The following DLG2 variants were observed in gnomAD, a reference collection of about 807,000 sequenced individuals.
DLG2 encodes the protein disks large homolog 2.
A neutral mutation model predicts 132.5 loss-of-function variants in DLG2; 45 were observed. The ratio of observed to expected loss-of-function variants is 0.34; its 90% CI spans 0.27 to 0.44. The LOEUF is 0.44. DLG2 is among the 20% of genes least tolerant of loss of function. DLG2 has a pLI of 1.00. For missense variants in DLG2, 1,045 were observed against 1,196.9 expected (o/e 0.87, Z 1.87); for synonymous variants, 424 against 419.6 (o/e 1.01, Z -0.13).
intron 6 of DLG2, among the ~76,000 whole-genome samples, chr11:85,080,401 A>G (rs2067086603): frequency 6.6e-6 from 1 of 152,172 alleles, no homozygotes; most frequent in South Asian, 2.1e-4. Flanking sequence ...ATGACAGGTA[A>G]AGAAAACTCA....
intron 6 of DLG2, among the ~76,000 whole-genome samples, chr11:84,777,281 G>GTGTGTATATA (rs1218190517): frequency 1.1e-5 from 1 of 95,036 alleles, no homozygotes; most frequent in Non-Finnish European, 2.0e-5. Flanking sequence ...ATGTGTGTGT[G>GTGTGTATATA]TATATATATA....
intron 6 of DLG2, among the ~76,000 whole-genome samples, chr11:85,032,864 G>GGTGA (rs2061138235): frequency 6.6e-6 from 1 of 152,144 alleles, no homozygotes; most frequent in African/African-American, 2.4e-5. Flanking sequence ...GAGAGCAATG[G>GGTGA]TAGAGATGCC....
chr11:84,436,771 C>G (rs891900463), intron 7 of DLG2, among the ~76,000 whole-genome samples: 4 of 152,148 alleles, frequency 2.6e-5, no homozygotes, highest in Non-Finnish European at 5.9e-5. Flanking sequence ...ACTGGTCATG[C>G]TGAATACAAG....
intron 6 of DLG2, among the ~76,000 whole-genome samples, chr11:84,861,392 C>T (rs865971073): frequency 4.6e-5 from 7 of 151,800 alleles, no homozygotes; most frequent in African/African-American, 1.5e-4. Context: ...CTGACATTAC[C>T]GACCCTTTCT....
chr11:84,853,386 A>G (rs1241133466), intron 6 of DLG2, among the ~76,000 whole-genome samples: 5 of 152,000 alleles, frequency 3.3e-5, no homozygotes, highest in African/African-American at 4.8e-5. Flanking sequence ...GGACTGCCCA[A>G]TTCTTCCTGA....
rs1194903937 is a variant in DLG2, at chr11:84,566,500, G to A, written c.358-31769C>T. On this transcript the variant is annotated intron_variant, in intron 6 of 27. Coordinates refer to ENST00000376104, the MANE Select transcript of DLG2 (RefSeq NM_001142699.3). Reference sequence around the variant, plus strand: ...CTCTCATCTGTCTACCTGGTGACTTGCAACACAGCTTTGTTTGTCTAACTG... The same window carrying A: ...CTCTCATCTGTCTACCTGGTGACTTACAACACAGCTTTGTTTGTCTAACTG... Among the ~76,000 whole-genome samples the A allele has an allele frequency of 2.0e-5, 3 of 152,112 alleles. No individual in the cohort carries two copies. In the South Asian group the frequency reaches 6.2e-4, roughly 32 times the overall value.
chr11:84,790,753 G>T (rs1003506051), intron 6 of DLG2, among the ~76,000 whole-genome samples: 2 of 152,170 alleles, frequency 1.3e-5, no homozygotes, highest in Admixed American at 1.3e-4. Context: ...ATTTTGATTT[G>T]ATTTTTGTAT....
chr11:83,716,451 A>T (rs2086722530), intron 18 of DLG2, among the ~76,000 whole-genome samples: 1 of 152,198 alleles, frequency 6.6e-6, no homozygotes, highest in African/African-American at 2.4e-5. Context: ...GTCTCTCAGT[A>T]AGTTTTATAG....
chr11:83,666,307 G>C (rs946442815), intron 18 of DLG2, among the ~76,000 whole-genome samples: 5 of 152,190 alleles, frequency 3.3e-5, no homozygotes, highest in Admixed American at 1.3e-4. Flanking sequence ...CCGCAGACTG[G>C]TAGGTGTCCA....
At chr11:84,408,269 G>A (rs1033152762) in intron 7 of DLG2, among the ~76,000 whole-genome samples, 3 of 152,024 alleles carry the variant, frequency 2.0e-5, no homozygotes, top group African/African-American at 4.8e-5. Context: ...AATGTAATCT[G>A]TGGCCAAGAA....
At chr11:84,434,423 C>T (rs1602056010) in intron 7 of DLG2, among the ~76,000 whole-genome samples, 2 of 152,122 alleles carry the variant, frequency 1.3e-5, no homozygotes, top group South Asian at 2.1e-4. Context: ...AGGAAGAAGG[C>T]GCTAGAGACA....
intron 6 of DLG2, among the ~76,000 whole-genome samples, chr11:84,950,854 G>T (rs1412052489): frequency 6.6e-6 from 1 of 151,676 alleles, no homozygotes; most frequent in African/African-American, 2.4e-5. Flanking sequence ...GGAAAATTTG[G>T]CTAGAAAAAA....
intron 18 of DLG2, among the ~76,000 whole-genome samples, chr11:83,781,502 G>A (rs1216733064): frequency 1.3e-5 from 2 of 152,062 alleles, no homozygotes; most frequent in Non-Finnish European, 2.9e-5. Context: ...TGCTTTTTGG[G>A]CTTTTCTTTT....
chr11:83,833,766 G>T lies in DLG2; in HGVS notation c.1570C>A (p.Pro524Thr), dbSNP rs1438339884. ...CCTTTGTGCAGGACTACCTTGCGAG[G>T]CTCTCTGCAGAAAGAAATAGAGAAC... ...LQRAVSLEGE[P>T]RKVVLHKGST... Residue 524 changes from proline to threonine, a missense_variant, in exon 17 of 28, where the codon CCT becomes ACT. Transcript: ENST00000376104. The T allele has an allele frequency of 6.2e-7, 1 of 1,613,102 alleles. No individual in the cohort carries two copies. The highest frequency in any genetic ancestry group is 1.3e-5 in the African/African-American group (1 of 74,858).
chr11:84,495,233 G>A lies in DLG2; in HGVS notation c.519+39337C>T, dbSNP rs1451538758. 3.3e-5 allele frequency among the ~76,000 whole-genome samples: 5 copies of A among 151,972 alleles called. No individual in the cohort carries two copies. In the East Asian group the frequency reaches 9.7e-4, roughly 29 times the overall value. On this transcript the variant is annotated intron_variant, in intron 7 of 27. Coordinates refer to ENST00000376104, the MANE Select transcript of DLG2 (RefSeq NM_001142699.3). ...TTTCTCTGACACAGGAACTACTACT[G>A]CCTCAAAGTCCTTGTGCTTTGGGGT...
At chr11:83,753,970 G>A (rs1483294042) in intron 18 of DLG2, among the ~76,000 whole-genome samples, 3 of 146,034 alleles carry the variant, frequency 2.1e-5, no homozygotes, top group Non-Finnish European at 3.0e-5. Flanking sequence ...CATGCCAAGT[G>A]AAATAGAGAA....
chr11:85,593,005 G>A (rs539045505), intron 3 of DLG2, among the ~76,000 whole-genome samples: 9 of 143,238 alleles, frequency 6.3e-5, no homozygotes, highest in African/African-American at 1.5e-4. Flanking sequence ...AAGGAAGGAC[G>A]GAAGGAAAGA....
At chr11:84,197,381 T>C (rs891808479) in intron 8 of DLG2, among the ~76,000 whole-genome samples, 36 of 152,176 alleles carry the variant, frequency 2.4e-4, no homozygotes, top group Non-Finnish European at 4.1e-4. Flanking sequence ...AAAATGATGA[T>C]AGCATAGTTA....
intron 18 of DLG2, among the ~76,000 whole-genome samples, chr11:83,675,517 G>A (rs764982939): frequency 1.4e-4 from 21 of 152,234 alleles, no homozygotes; most frequent in Admixed American, 3.3e-4. Context: ...TGATGATTTT[G>A]TTCAAAATAC....
Sources: gnomAD v4.1 joint callset for allele counts (sites outside exome capture counted in the v4.1 genomes callset) on GRCh38, gnomAD v4.1.1 for gene constraint, MANE v1.5 for transcripts, NCBI Gene and HGNC (gene_info 2026-07-23, HGNC 2026-07-21) for gene names.